ENGASE: variants seen among roughly 807,000 people sequenced by gnomAD.
The protein encoded by ENGASE is endo-beta-N-acetylglucosaminidase.
A neutral mutation model predicts 78.5 loss-of-function variants in ENGASE; 69 were observed. That is an observed-to-expected ratio of 0.88 (90% CI 0.72 to 1.07). The LOEUF (loss-of-function observed/expected upper bound fraction) is 1.07. Among genes scored for constraint, ENGASE ranks in the 50% least tolerant of loss-of-function variants. The pLI is 0.00. For synonymous variants in ENGASE, 408 were observed against 408.9 expected, an observed-to-expected ratio of 1.00 and a Z score of 0.03; for missense variants, 943 against 988.4, an observed-to-expected ratio of 0.95 and a Z score of 0.62.
At position 79,085,621 on chromosome 17, in the gene ENGASE, T is replaced by G; in HGVS notation, c.1702T>G (p.Cys568Gly). The G allele has an allele frequency of 6.2e-7, 1 of 1,613,686 alleles. No individual in the cohort carries two copies. The highest frequency in any genetic ancestry group is 8.5e-7 in the Non-Finnish European group (1 of 1,179,990). Residue 568 changes from cysteine to glycine, a missense_variant and splice_region_variant, in exon 13 of 14, where the codon TGC (cysteine) becomes GGC (glycine). By Grantham distance (159) the Cys-to-Gly change is radical (BLOSUM62 -3). Transcript: ENST00000579016. ...GTGATCAGCCCTTTCGCCCCGTAGC[T>G]GCTACGAGGTGAGCCTGCGTGGGTG... ...RQLSGGWVQH[C>G]YEVSLRGCLL...
intron 1 of ENGASE, among the ~76,000 whole-genome samples, chr17:79,076,568 A>T (rs2072972542): frequency 6.6e-6 from 1 of 152,206 alleles, no homozygotes; most frequent in South Asian, 2.1e-4. Context: ...TGTCTCAATT[A>T]ATCAATCAAT....
In ENGASE at chr17:79,086,311, T is replaced by A. The variant is rs748023670; in HGVS notation, c.2194T>A (p.Trp732Arg). The change falls in exon 14 of 14, where the codon TGG (tryptophan) becomes AGG (arginine). Residue 732 changes from tryptophan to arginine, a missense_variant. Transcript: ENST00000579016. ...AGGGTTCCGGGTACCTCAGGCCGAGTGGGGCAGGGCAGTTCTGCTTTATTC... is the reference window on the plus strand; with the variant it reads ...AGGGTTCCGGGTACCTCAGGCCGAGAGGGGCAGGGCAGTTCTGCTTTATTC... ...KEGFRVPQAE[W>R]GRAVLLYSAP... 1 of 1,613,376 alleles carries A rather than the reference T, an allele frequency of 6.2e-7. No homozygotes were observed. Among genetic ancestry groups the A allele is most frequent in the South Asian group, 1.1e-5 (1 of 91,078 alleles).
Position 79,086,041 on chromosome 17 carries a change from C to T in ENGASE, c.1924C>T (p.Leu642=), listed in dbSNP as rs758816283. The T allele has an allele frequency of 1.2e-6, 2 of 1,613,156 alleles. No individual in the cohort carries two copies. The highest frequency in any genetic ancestry group is 2.7e-5 in the African/African-American group (2 of 74,958). ...SASEREGPPA[L]LQLSCTLHWS... ...CTCTGAGCGGGAGGGGCCCCCTGCT[C>T]TGCTCCAGCTCAGCTGCACCCTGCA... The change falls in exon 14 of 14, where the codon CTG becomes TTG. Residue 642 remains leucine (L), a synonymous_variant. Coordinates refer to ENST00000579016, the MANE Select transcript of ENGASE (RefSeq NM_001042573.3).
intron 10 of ENGASE, 55 bp from the exon 11 acceptor site, chr17:79,084,483 C>A: frequency 1.4e-6 from 2 of 1,478,918 alleles, no homozygotes; most frequent in East Asian, 2.6e-5. Flanking sequence ...TTGGAGCTGG[C>A]TTCGATTTCT....
chr17:79,082,958 C>T lies in ENGASE; in HGVS notation c.1039-62C>T, dbSNP rs1011108278. On this transcript the variant is annotated intron_variant, in intron 7 of 13. Transcript: ENST00000579016. ...TGAGAGCCCCAACCCACGTCACTGG[C>T]GTCCAGGAGCCTGTCTGGACTCTGG... 83 of 1,589,122 alleles carry T rather than the reference C, an allele frequency of 5.2e-5. No homozygotes were observed. In the East Asian group the frequency reaches 1.6e-3, roughly 31 times the overall value.
chr17:79,083,227 G>T lies in ENGASE; in HGVS notation c.1142+104G>T, dbSNP rs915810203. The T allele has an allele frequency of 2.5e-5, 23 of 926,082 alleles. No individual in the cohort carries two copies. In the South Asian group the frequency reaches 3.5e-4, roughly 14 times the overall value. The allele number at this position is 926,082 out of a possible 1,614,324, so 57.4% of individuals were successfully genotyped here. On this transcript the variant is annotated intron_variant, in intron 8 of 13. Transcript: ENST00000579016. This position sits in a 1 kb window ranked among gnomAD's most constrained non-coding sequence, Gnocchi z 4.9. The stretch of plus-strand genomic sequence containing the variant: ...GTGCTCTTTAGTGACCCTTCCTATG[G>T]GGGGGTGGTTAAGGGAGGATGACAG...
At position 79,082,671 on chromosome 17, in the gene ENGASE, T is replaced by C. The variant is rs1271109701; in HGVS notation, c.1039-349T>C. On this transcript the variant is annotated intron_variant, in intron 7 of 13. Coordinates refer to ENST00000579016, the MANE Select transcript of ENGASE (RefSeq NM_001042573.3). ...CTTAATTTAGCTTTAAATGAGTAAA[T>C]TAATCCAATAACTAAAGAGCCTCTT... The C allele has an allele frequency of 6.1e-6, 8 of 1,314,356 alleles. No homozygotes were observed. The East Asian group carries it at 1.5e-4, about 25-fold the overall frequency. The allele number at this position is 1,314,356 out of a possible 1,614,324, so 81.4% of individuals were successfully genotyped here.
At position 79,083,687 on chromosome 17, in the gene ENGASE, C is replaced by T; in HGVS notation, c.1252-74C>T. ...GCCAGCAGGCACGGTGGTGGTCTTA[C>T]CCTTCCCTGCCGCTCCGGGCACCCC... On this transcript the variant is annotated intron_variant, in intron 9 of 13. Coordinates refer to ENST00000579016, the MANE Select transcript of ENGASE (RefSeq NM_001042573.3). This position sits in a 1 kb window ranked among gnomAD's most constrained non-coding sequence, Gnocchi z 4.9. The T allele has an allele frequency of 1.3e-6, 2 of 1,565,850 alleles. No individual in the cohort carries two copies. The highest frequency in any genetic ancestry group is 1.7e-6 in the Non-Finnish European group (2 of 1,144,584).
rs1421767541 is a variant in ENGASE, at chr17:79,087,662, T to G, written c.*1313T>G. Reference sequence around the variant, plus strand: ...GGGCCAGTGGTAGGGGTTCCCTCTATGTCGGGCAGTGCTGAGGGCTGGGAT... The same window carrying G: ...GGGCCAGTGGTAGGGGTTCCCTCTAGGTCGGGCAGTGCTGAGGGCTGGGAT... On this transcript the variant is annotated 3_prime_UTR_variant, in exon 14 of 14. Transcript: ENST00000579016. The G allele has an allele frequency of 1.3e-5, 2 of 153,212 alleles. No individual in the cohort carries two copies. Among genetic ancestry groups the G allele is most frequent in the African/African-American group, 4.8e-5 (2 of 41,384 alleles). The allele number at this position is 153,212 out of a possible 1,614,324, so 9.5% of individuals were successfully genotyped here.
At chr17:79,080,494 G>T (rs192345334) in intron 5 of ENGASE, 130 bp downstream of exon 5, 2 of 1,044,522 alleles carry the variant, frequency 1.9e-6, no homozygotes, top group Non-Finnish European at 2.8e-6. Flanking sequence ...GCCACTTCTC[G>T]CCTCCCAGGC....
intron 5 of ENGASE, 117 bp downstream of exon 5, chr17:79,080,481 A>T (rs1291257377): frequency 1.9e-5 from 24 of 1,240,838 alleles, no homozygotes; most frequent in Non-Finnish European, 2.7e-5. Flanking sequence ...TGCAGCAGTA[A>T]GAGCCACTTC....
intron 10 of ENGASE, 89 bp from the exon 11 acceptor site, chr17:79,084,449 G>A: frequency 7.4e-7 from 1 of 1,345,104 alleles, no homozygotes; most frequent in South Asian, 1.6e-5. Flanking sequence ...CCTGTTCCTG[G>A]AGGGAGGGGC....
At chr17:79,075,682 A>G (rs1319409603) in intron 1 of ENGASE, 1 of 985,000 alleles carries the variant, frequency 1.0e-6, no homozygotes, top group Non-Finnish European at 1.2e-6. Context: ...CCCCCTCAGT[A>G]GGTTGCAGGG....
intron 7 of ENGASE, 136 bp from the exon 8 acceptor site, chr17:79,082,884 C>A: frequency 6.4e-7 from 1 of 1,574,786 alleles, no homozygotes; most frequent in Non-Finnish European, 8.6e-7. Context: ...CCAGGTGCAT[C>A]TAGGAGGGAG....
chr17:79,085,130 A>T, intron 11 of ENGASE, 104 bp from the exon 12 acceptor site: 1 of 890,026 alleles, frequency 1.1e-6, no homozygotes, highest in Non-Finnish European at 1.9e-6. Context: ...CGTCTGGCCG[A>T]ATCAGGCAGC....
chr17:79,084,839 G>A (rs1599348796), intron 11 of ENGASE, among the ~76,000 whole-genome samples, 153 bp downstream of exon 11: 1 of 152,186 alleles, frequency 6.6e-6, no homozygotes, highest in African/African-American at 2.4e-5. Context: ...TTGTGGTCAA[G>A]GCCTGGACAG....
intron 7 of ENGASE, chr17:79,082,800 A>G: frequency 1.3e-6 from 2 of 1,486,878 alleles, no homozygotes; most frequent in Non-Finnish European, 1.8e-6. Context: ...CTGCCCTTGC[A>G]GCAGCGCTGA....
chr17:79,085,060 C>T (rs945180843), intron 11 of ENGASE, among the ~76,000 whole-genome samples, 174 bp from the exon 12 acceptor site: 11 of 152,226 alleles, frequency 7.2e-5, no homozygotes, highest in Admixed American at 1.3e-4. Context: ...ACCCCAGACA[C>T]GCATTTCCTT....
At position 79,088,406 on chromosome 17, in the gene ENGASE, G is replaced by A. The variant is rs760603892; in HGVS notation, c.*2057G>A. 1 of 152,212 alleles carries A rather than the reference G, an allele frequency of 6.6e-6. No individual in the cohort carries two copies. The highest frequency in any genetic ancestry group is 6.5e-5 in the Admixed American group (1 of 15,290). The allele number at this position is 152,212 out of a possible 1,614,324, so 9.4% of individuals were successfully genotyped here. ...TTATAGTGGCAATTATTTTCTCACAGTCTGGTGAGCAGGCAATTAATTAGG... is the reference window on the plus strand; with the variant it reads ...TTATAGTGGCAATTATTTTCTCACAATCTGGTGAGCAGGCAATTAATTAGG... On this transcript the variant is annotated 3_prime_UTR_variant, in exon 14 of 14. Transcript: ENST00000579016.
Sources: gnomAD v4.1 joint callset for allele counts (sites outside exome capture counted in the v4.1 genomes callset) on GRCh38, gnomAD v4.1.1 for gene constraint, Gnocchi (gnomAD v3.1) non-coding constraint, MANE v1.5 for transcripts, NCBI Gene and HGNC (gene_info 2026-07-23, HGNC 2026-07-21) for gene names.